The following ELK3 variants were observed in gnomAD, a reference collection of about 807,000 sequenced individuals.
The protein encoded by ELK3 is ETS transcription factor ELK3, also known as ETS domain-containing protein Elk-3.
ELK3 carries 10 observed loss-of-function variants against 28.9 expected under a neutral mutation model. That is an observed-to-expected ratio of 0.35 (90% CI 0.21 to 0.59). The LOEUF (loss-of-function observed/expected upper bound fraction) is 0.59, where lower values mean the gene tolerates loss of function less well. Ranked by LOEUF, ELK3 falls within the 20% of genes least tolerant of loss-of-function variation. The pLI, the probability that ELK3 is intolerant of heterozygous loss-of-function variation, is 0.82. For synonymous variants in ELK3, 272 were observed against 243.5 expected (o/e 1.12, Z -1.09); for missense variants, 463 against 517.3 (o/e 0.90, Z 1.02).
chr12:96,241,773 A>G (rs1305304164), intron 2 of ELK3, among the ~76,000 whole-genome samples: 1 of 152,184 alleles, frequency 6.6e-6, no homozygotes, highest in Non-Finnish European at 1.5e-5. Flanking sequence ...CAAAATGGCA[A>G]CTTGGACGGG....
At chr12:96,222,910 G>A (rs1951672557) in intron 1 of ELK3, 1 of 154,364 alleles carries the variant, frequency 6.5e-6, no homozygotes, top group Non-Finnish European at 1.4e-5. Context: ...CATGGCAGAA[G>A]GCAAAAGGGG....
intron 1 of ELK3, chr12:96,198,122 TAG>T (rs1236345558): frequency 1.3e-5 from 2 of 152,048 alleles, no homozygotes; most frequent in Admixed American, 1.3e-4. Flanking sequence ...CTTCCTGGAG[TAG>T]AGTCTTTTTT....
chr12:96,219,990 G>T (rs531238241), intron 1 of ELK3, among the ~76,000 whole-genome samples: 2 of 152,252 alleles, frequency 1.3e-5, no homozygotes, highest in Non-Finnish European at 2.9e-5. Flanking sequence ...CACCTCCGCC[G>T]GAGCAGTGTT....
At chr12:96,214,030 T>C (rs1010868762) in intron 1 of ELK3, among the ~76,000 whole-genome samples, 1 of 152,186 alleles carries the variant, frequency 6.6e-6, no homozygotes, top group African/African-American at 2.4e-5. Context: ...AAAAACCCAG[T>C]AATCCTTGCA....
At position 96,247,567 on chromosome 12, in the gene ELK3, G is replaced by T. The variant is rs778237728; in HGVS notation, c.835G>T (p.Gly279Cys). ...CCTGGAGCCCTTGAACCTGTCATCG[G>T]GCTCCAAGACCAAGTCTCCATCTCT... ...DSLEPLNLSS[G>C]SKTKSPSLPP... is the part of the protein sequence containing the mutation. The change falls in exon 3 of 5, where the codon GGC becomes TGC. Residue 279 changes from glycine (G) to cysteine (C), a missense_variant. Physicochemically the swap from Gly to Cys is radical, Grantham distance 159. Coordinates refer to ENST00000228741, the MANE Select transcript of ELK3 (RefSeq NM_005230.4). The surrounding 1 kb of genome is among the most constrained non-coding windows in gnomAD (Gnocchi z 5.5). The T allele has an allele frequency of 1.9e-6, 3 of 1,613,910 alleles. No homozygotes were observed.
At chr12:96,257,015 T>G (rs1472141966) in intron 3 of ELK3, among the ~76,000 whole-genome samples, 1 of 152,238 alleles carries the variant, frequency 6.6e-6, no homozygotes, top group South Asian at 2.1e-4. Flanking sequence ...CTGTGGCATC[T>G]CCTTTCCCAG....
At chr12:96,231,336 A>G (rs1363217955) in intron 2 of ELK3, among the ~76,000 whole-genome samples, 1 of 152,214 alleles carries the variant, frequency 6.6e-6, no homozygotes, top group African/African-American at 2.4e-5. Flanking sequence ...TCACTCCTTA[A>G]CATCAGACAG....
At chr12:96,196,297 T>C (rs1951466972) in intron 1 of ELK3, among the ~76,000 whole-genome samples, 1 of 152,074 alleles carries the variant, frequency 6.6e-6, no homozygotes, top group African/African-American at 2.4e-5. Flanking sequence ...TGAAGTCACT[T>C]TGGCCATTTT....
chr12:96,250,587 T>C (rs1310881819), intron 3 of ELK3, among the ~76,000 whole-genome samples: 4 of 152,212 alleles, frequency 2.6e-5, no homozygotes, highest in African/African-American at 7.2e-5. Flanking sequence ...CAGCCAGGCA[T>C]TCTGTGGAAT....
chr12:96,214,183 C>A (rs953308573), intron 1 of ELK3, among the ~76,000 whole-genome samples: 1 of 152,064 alleles, frequency 6.6e-6, no homozygotes, highest in Non-Finnish European at 1.5e-5. Context: ...ATAATCCCAG[C>A]ACTTTGGGAG....
Position 96,214,443 on chromosome 12 carries a change from AAAAC to A in ELK3, c.-2-9110_-2-9107del, listed in dbSNP as rs928212728. Among the ~76,000 whole-genome samples the A allele has an allele frequency of 2.4e-3, 365 of 151,830 alleles. 1 individual carries two copies. The highest frequency in any genetic ancestry group is 7.3e-3 in the African/African-American group (304 of 41,424). On this transcript the variant is annotated intron_variant, in intron 1 of 4. Coordinates refer to ENST00000228741, the MANE Select transcript of ELK3 (RefSeq NM_005230.4). ...AAGACTCTGTCTCAAAAAACAAAAC[AAAAC>A]AAACAAACAAAAAAAAAAACAGCAA...
chr12:96,216,551 C>T (rs1951620211), intron 1 of ELK3, among the ~76,000 whole-genome samples: 1 of 152,212 alleles, frequency 6.6e-6, no homozygotes, highest in Non-Finnish European at 1.5e-5. Context: ...GGCTCATTGC[C>T]TAATGGACAA....
chr12:96,236,277 G>C (rs539917860), intron 2 of ELK3, among the ~76,000 whole-genome samples: 2 of 152,192 alleles, frequency 1.3e-5, no homozygotes, highest in Non-Finnish European at 2.9e-5. Context: ...TGCTGCGAAC[G>C]TCCAGTCGAA....
chr12:96,261,328 TATA>T (rs1951991068), intron 4 of ELK3, among the ~76,000 whole-genome samples: 1 of 152,180 alleles, frequency 6.6e-6, no homozygotes, highest in Non-Finnish European at 1.5e-5. Context: ...CAACTTGAGC[TATA>T]GTCATGTTGA....
chr12:96,218,576 C>T (rs1229285130), intron 1 of ELK3, among the ~76,000 whole-genome samples: 4 of 151,714 alleles, frequency 2.6e-5, no homozygotes, highest in Non-Finnish European at 5.9e-5. Flanking sequence ...TGCAGTATAC[C>T]CATGTAACAA....
At chr12:96,253,488 G>A (rs527657851) in intron 3 of ELK3, among the ~76,000 whole-genome samples, 1 of 152,164 alleles carries the variant, frequency 6.6e-6, no homozygotes, top group Non-Finnish European at 1.5e-5. Flanking sequence ...GACTTCTGTG[G>A]GATTAACTCA....
intron 1 of ELK3, among the ~76,000 whole-genome samples, chr12:96,200,159 CCAT>C (rs1490381590): frequency 2.0e-5 from 3 of 152,044 alleles, no homozygotes; most frequent in African/African-American, 7.3e-5. Flanking sequence ...GTAATTAGAT[CCAT>C]CATCTCAAAT....
chr12:96,247,512 C>T lies in ELK3; in HGVS notation c.780C>T (p.Phe260=), dbSNP rs966095171. ...TCCCTTCTGAACACAGAAGCCTCTT[C>T]CTGGAGGCCGCCTGCCATGACTCCG... ...SPLPSEHRSL[F]LEAACHDSDS... Residue 260 remains phenylalanine (F), a synonymous_variant, in exon 3 of 5, where the codon TTC becomes TTT. Coordinates refer to ENST00000228741, the MANE Select transcript of ELK3 (RefSeq NM_005230.4). This position sits in a 1 kb window ranked among gnomAD's most constrained non-coding sequence, Gnocchi z 5.5. 2.5e-6 allele frequency: 4 copies of T among 1,614,086 alleles called. No homozygotes were observed. The highest frequency in any genetic ancestry group is 3.3e-5 in the Admixed American group (2 of 60,026).
chr12:96,202,942 C>T (rs1951516200), intron 1 of ELK3, among the ~76,000 whole-genome samples: 1 of 152,054 alleles, frequency 6.6e-6, no homozygotes, highest in South Asian at 2.1e-4. Context: ...GTCTGGAGTG[C>T]AGTGATCTCA....
Sources: gnomAD v4.1 joint callset for allele counts (sites outside exome capture counted in the v4.1 genomes callset) on GRCh38, gnomAD v4.1.1 for gene constraint, Gnocchi (gnomAD v3.1) non-coding constraint, MANE v1.5 for transcripts, NCBI Gene and HGNC (gene_info 2026-07-23, HGNC 2026-07-21) for gene names.